Variants in NCAPD3 observed in about 807,000 individuals in gnomAD.
The protein encoded by NCAPD3 is non-SMC condensin II complex subunit D3.
Under a neutral mutation model 182.9 loss-of-function variants are expected in NCAPD3, and 105 were observed. The ratio of observed to expected loss-of-function variants is 0.57; its 90% CI spans 0.49 to 0.68. NCAPD3 has a LOEUF of 0.68. NCAPD3 is among the 30% of genes least tolerant of loss of function. The probability of loss-of-function intolerance (pLI) is 0.00; values close to 1 mark genes in which losing one functional copy is unlikely to be tolerated. For missense variants in NCAPD3, 1,944 were observed against 1,837.0 expected (o/e 1.06, Z -1.07); for synonymous variants, 815 against 679.9 (o/e 1.20, Z -3.09).
chr11:134,178,304 T>C (rs1292362936), intron 22 of NCAPD3, among the ~76,000 whole-genome samples: 2 of 152,190 alleles, frequency 1.3e-5, no homozygotes, highest in African/African-American at 2.4e-5. Context: ...TACAGGAATA[T>C]TCAAGTCAAG....
At chr11:134,157,828 G>T in intron 31 of NCAPD3, 100 bp downstream of exon 31, 1 of 1,287,952 alleles carries the variant, frequency 7.8e-7, no homozygotes, top group Non-Finnish European at 1.1e-6. Flanking sequence ...TTGTTTTAAA[G>T]ATAAGAAAAC....
At position 134,152,911 on chromosome 11, in the gene NCAPD3, C is replaced by G; in HGVS notation, c.*33G>C. Reference sequence around the variant, plus strand: ...ACACGAGACTGCTTCCTCAAGGGCTCCTGCCTGCCTGGACACTGGTGGGAG... The same window carrying G: ...ACACGAGACTGCTTCCTCAAGGGCTGCTGCCTGCCTGGACACTGGTGGGAG... On this transcript the variant is annotated 3_prime_UTR_variant, in exon 35 of 35. Coordinates refer to ENST00000534548, the MANE Select transcript of NCAPD3 (RefSeq NM_015261.3). 1 of 1,486,446 alleles carries G rather than the reference C, an allele frequency of 6.7e-7. No homozygotes were observed. Among genetic ancestry groups the G allele is most frequent in the Non-Finnish European group, 9.0e-7 (1 of 1,105,670 alleles). The allele number at this position is 1,486,446 out of a possible 1,614,324, so 92.1% of individuals were successfully genotyped here. A position where few individuals can be genotyped will look rare whatever the true frequency, so the allele number is the denominator to read the frequency against.
Position 134,151,624 on chromosome 11 carries a change from G to A in NCAPD3, c.*1320C>T, listed in dbSNP as rs943605701. ...AAGATATGAATGTGACTCAAGACTCGAGGCCGATACGAGGCTGTGATTCTG... is the reference window on the plus strand; with the variant it reads ...AAGATATGAATGTGACTCAAGACTCAAGGCCGATACGAGGCTGTGATTCTG... On this transcript the variant is annotated 3_prime_UTR_variant, in exon 35 of 35. Transcript: ENST00000534548. 2 of 152,160 alleles carry A rather than the reference G, an allele frequency of 1.3e-5. No individual in the cohort carries two copies. Among genetic ancestry groups the A allele is most frequent in the Non-Finnish European group, 2.9e-5 (2 of 68,046 alleles). The allele number at this position is 152,160 out of a possible 1,614,324, so 9.4% of individuals were successfully genotyped here. A position where few individuals can be genotyped will look rare whatever the true frequency, so the allele number is the denominator to read the frequency against.
intron 4 of NCAPD3, chr11:134,209,749 C>T (rs569184381): frequency 3.7e-4 from 135 of 367,312 alleles, no homozygotes; most frequent in Non-Finnish European, 5.9e-4. Flanking sequence ...TTCTGTCATT[C>T]TACCGTGTCA....
intron 25 of NCAPD3, 124 bp from the exon 26 acceptor site, chr11:134,168,726 G>A (rs1237233858): frequency 6.3e-6 from 9 of 1,426,838 alleles, no homozygotes; most frequent in Non-Finnish European, 8.6e-6. Flanking sequence ...AGAGATCCCA[G>A]TGCTCATCAC....
chr11:134,167,612 T>A (rs1372421087), intron 27 of NCAPD3, among the ~76,000 whole-genome samples: 1 of 99,972 alleles, frequency 1.0e-5, no homozygotes, highest in Admixed American at 1.2e-4. Flanking sequence ...ACTAGTGAGA[T>A]GAGCTTGGGG....
intron 20 of NCAPD3, among the ~76,000 whole-genome samples, chr11:134,180,179 C>T (rs1944264003): frequency 6.6e-6 from 1 of 152,092 alleles, no homozygotes; most frequent in African/African-American, 2.4e-5. Flanking sequence ...CACCCAGGTT[C>T]CCATAGTGAG....
chr11:134,160,947 GT>G (rs112887479), intron 28 of NCAPD3, among the ~76,000 whole-genome samples: 325 of 144,494 alleles, frequency 2.2e-3, no homozygotes, highest in Middle Eastern at 0.01. Context: ...CTCTGTTTTT[GT>G]TTTTTTTTTT....
chr11:134,158,177 C>T (rs1371687563), intron 30 of NCAPD3, 110 bp from the exon 31 acceptor site: 7 of 1,518,668 alleles, frequency 4.6e-6, no homozygotes, highest in Non-Finnish European at 6.3e-6. Flanking sequence ...CCTCACCACC[C>T]TCATTCAAAC....
At chr11:134,206,846 G>T in intron 7 of NCAPD3, 114 bp from the exon 8 acceptor site, 1 of 1,097,768 alleles carries the variant, frequency 9.1e-7, no homozygotes, top group Non-Finnish European at 1.3e-6. Flanking sequence ...AGGTCAGGCT[G>T]GCATAATTGC....
chr11:134,217,081 G>C lies in NCAPD3; in HGVS notation c.237C>G (p.Phe79Leu), dbSNP rs1259265579. ...HGSMESIWTF[F>L]IENNVSHSTL... ...TACTATGGGAAACATTGTTCTCAAT[G>C]AAGAAGGTCCAGATACTCTGTGGGG... is the stretch of plus-strand genomic sequence containing the variant. Residue 79 changes from phenylalanine to leucine, a missense_variant, in exon 3 of 35, where the codon TTC (phenylalanine) becomes TTG (leucine). Transcript: ENST00000534548. 1.9e-6 allele frequency: 3 copies of C among 1,611,570 alleles called. No homozygotes were observed. Among genetic ancestry groups the C allele is most frequent in the Non-Finnish European group, 2.5e-6 (3 of 1,179,080 alleles).
Position 134,204,030 on chromosome 11 carries a change from C to T in NCAPD3, c.1215+16G>A, listed in dbSNP as rs1438760674. On this transcript the variant is annotated intron_variant, in intron 10 of 34. Coordinates refer to ENST00000534548, the MANE Select transcript of NCAPD3 (RefSeq NM_015261.3). The surrounding 1 kb of genome is among the most constrained non-coding windows in gnomAD (Gnocchi z 4.3). ...TTTAAAAAGGACCCAAGGTTTTATG[C>T]AGAGCTATCTCCTACCTTGGAACTT... is the stretch of plus-strand genomic sequence containing the variant. The T allele has an allele frequency of 6.2e-7, 1 of 1,612,818 alleles. No homozygotes were observed. Among genetic ancestry groups the T allele is most frequent in the Non-Finnish European group, 8.5e-7 (1 of 1,179,572 alleles).
intron 8 of NCAPD3, 110 bp from the exon 9 acceptor site, chr11:134,205,081 G>A (rs1453007949): frequency 2.7e-6 from 2 of 739,480 alleles, no homozygotes; most frequent in Non-Finnish European, 4.5e-6. Context: ...TCTACCTCAC[G>A]CTATAAGAGT....
Position 134,208,861 on chromosome 11 carries a change from T to C in NCAPD3, c.882+3A>G. 6.2e-7 allele frequency: 1 copy of C among 1,607,274 alleles called. No individual in the cohort carries two copies. Among genetic ancestry groups the C allele is most frequent in the Middle Eastern group, 1.7e-4 (1 of 6,038 alleles). On this transcript the variant is annotated splice_donor_region_variant and intron_variant, in intron 7 of 34. Transcript: ENST00000534548. ...AACCAAATTAGGTTCTCATCTCCTT[T>C]ACCTTATCTCCTTCTCCATGAATGG...
chr11:134,199,835 G>A (rs555950024), intron 13 of NCAPD3, among the ~76,000 whole-genome samples: 9 of 152,164 alleles, frequency 5.9e-5, no homozygotes, highest in African/African-American at 1.9e-4. Context: ...TCCTACGCTA[G>A]AACGCAACGG....
intron 23 of NCAPD3, 22 bp from the exon 24 acceptor site, chr11:134,176,408 T>A (rs1293856761): frequency 8.1e-6 from 13 of 1,603,234 alleles, no homozygotes; most frequent in Non-Finnish European, 1.1e-5. Flanking sequence ...GAAGCCGGCA[T>A]GTTTCAGAGT....
intron 3 of NCAPD3, among the ~76,000 whole-genome samples, chr11:134,214,315 C>T (rs1937941176): frequency 6.6e-6 from 1 of 151,920 alleles, no homozygotes; most frequent in African/African-American, 2.4e-5. Context: ...CTAAACAACT[C>T]AGAGATGTAA....
In NCAPD3 at chr11:134,152,959, C is replaced by A. The variant is rs374973665; in HGVS notation, c.4482G>T (p.Leu1494=). ...CSRRSLRKTP[L]KTAN ...GAGGCGCTGTTTAGTTGGCTGTTTTCAGAGGGGTCTTTCGGAGGGACCTCC... is the reference window on the plus strand; with the variant it reads ...GAGGCGCTGTTTAGTTGGCTGTTTTAAGAGGGGTCTTTCGGAGGGACCTCC... Residue 1494 remains leucine (L), a synonymous_variant, in exon 35 of 35, where the codon CTG becomes CTT. Transcript: ENST00000534548. 9.8e-5 allele frequency: 153 copies of A among 1,559,098 alleles called. No homozygotes were observed. Among genetic ancestry groups the A allele is most frequent in the Non-Finnish European group, 1.3e-4 (148 of 1,153,370 alleles).
chr11:134,211,548 A>C (rs1233722151), intron 3 of NCAPD3, among the ~76,000 whole-genome samples: 5 of 152,206 alleles, frequency 3.3e-5, no homozygotes, highest in Non-Finnish European at 5.9e-5. Context: ...AATTACAGGG[A>C]GTGCTAAAAA....
Sources: gnomAD v4.1 joint callset for allele counts (sites outside exome capture counted in the v4.1 genomes callset) on GRCh38, gnomAD v4.1.1 for gene constraint, Gnocchi (gnomAD v3.1) non-coding constraint, MANE v1.5 for transcripts, NCBI Gene and HGNC (gene_info 2026-07-23, HGNC 2026-07-21) for gene names.